KIAA1549L: variants seen among roughly 807,000 people sequenced by gnomAD.
The protein encoded by KIAA1549L is UPF0606 protein KIAA1549L.
KIAA1549L carries 88 observed loss-of-function variants against 160.7 expected under a neutral mutation model. The ratio of observed to expected loss-of-function variants is 0.55; its 90% CI spans 0.46 to 0.65. KIAA1549L has a LOEUF of 0.65. KIAA1549L is among the 30% of genes least tolerant of loss of function. The probability of loss-of-function intolerance (pLI) is 0.00; values close to 1 mark genes in which losing one functional copy is unlikely to be tolerated. For missense variants in KIAA1549L, 2,258 were observed against 2,437.5 expected (o/e 0.93, Z 1.55); for synonymous variants, 950 against 976.7 (o/e 0.97, Z 0.51).
At chr11:33,411,203 C>T (rs977596118) in intron 1 of KIAA1549L, among the ~76,000 whole-genome samples, 7 of 152,062 alleles carry the variant, frequency 4.6e-5, no homozygotes, top group South Asian at 2.1e-4. Context: ...TTTCATAAGC[C>T]GAATTTTATT....
intron 11 of KIAA1549L, among the ~76,000 whole-genome samples, chr11:33,588,732 C>T (rs1279270938): frequency 6.6e-6 from 1 of 152,204 alleles, no homozygotes; most frequent in Non-Finnish European, 1.5e-5. Flanking sequence ...AGACCACCTT[C>T]CCTCAGCAAA....
chr11:33,403,275 A>ACAT (rs1565121753), intron 1 of KIAA1549L: 2 of 147,702 alleles, frequency 1.4e-5, no homozygotes, highest in Non-Finnish European at 3.0e-5. Flanking sequence ...AGACACACAC[A>ACAT]GACACAGACA....
rs970787376 is a variant in KIAA1549L at position 33,498,353 on chromosome 11, C to T, written c.239-43449C>T. ...AATTTTCAGTGGTGGTTCCTGCTCTCATTGGAATACAGTGTGTGGTTTGCT... is the reference window on the plus strand; with the variant it reads ...AATTTTCAGTGGTGGTTCCTGCTCTTATTGGAATACAGTGTGTGGTTTGCT... On this transcript the variant is annotated intron_variant, in intron 1 of 20. Transcript: ENST00000658780. Among the ~76,000 whole-genome samples, 5 of 152,186 alleles carry T rather than the reference C, an allele frequency of 3.3e-5. 1 individual carries two copies. The South Asian group carries it at 1.0e-3, about 32-fold the overall frequency.
At position 33,542,719 on chromosome 11, in the gene KIAA1549L, A is replaced by G. The variant is rs780798272; in HGVS notation, c.1156A>G (p.Thr386Ala). Residue 386 changes from threonine to alanine, a missense_variant, in exon 2 of 21, where the codon ACC (threonine) becomes GCC (alanine). Physicochemically the swap from Thr to Ala is moderately conservative, Grantham distance 58 (BLOSUM62 0). Transcript: ENST00000658780. ...MLEVASGPAS[T>A]QQIKAGVPGR... ...GGAAGTGGCTTCAGGTCCTGCATCCACCCAGCAGATCAAAGCTGGGGTGCC... is the reference window on the plus strand; with the variant it reads ...GGAAGTGGCTTCAGGTCCTGCATCCGCCCAGCAGATCAAAGCTGGGGTGCC... The G allele has an allele frequency of 1.2e-6, 2 of 1,613,924 alleles. No individual in the cohort carries two copies. Among genetic ancestry groups the G allele is most frequent in the Non-Finnish European group, 1.7e-6 (2 of 1,179,852 alleles).
chr11:33,646,875 A>C (rs183592272), intron 17 of KIAA1549L, among the ~76,000 whole-genome samples: 32 of 152,284 alleles, frequency 2.1e-4, no homozygotes, highest in African/African-American at 7.2e-4. Context: ...CATTGCAATA[A>C]CCATTCCCAA....
rs1851799370 is a variant in KIAA1549L, at chr11:33,455,254, C to T, written c.238+78365C>T. On this transcript the variant is annotated intron_variant, in intron 1 of 20. Coordinates refer to ENST00000658780, the MANE Select transcript of KIAA1549L (RefSeq NM_012194.3). The stretch of plus-strand genomic sequence containing the variant: ...GCCAGCAATAACAAGTGCTTTAGAA[C>T]TGTGCTGTCCAGAATGGTAGCCACA... 2.0e-5 allele frequency among the ~76,000 whole-genome samples: 3 copies of T among 152,336 alleles called. No homozygotes were observed. The South Asian group carries it at 6.2e-4, about 32-fold the overall frequency.
At chr11:33,474,395 C>G (rs908955333) in intron 1 of KIAA1549L, among the ~76,000 whole-genome samples, 3 of 152,206 alleles carry the variant, frequency 2.0e-5, no homozygotes, top group East Asian at 1.9e-4. Flanking sequence ...TATAACCTTT[C>G]CCTTGCTCGT....
At chr11:33,663,396 G>T (rs771423704) in intron 20 of KIAA1549L, among the ~76,000 whole-genome samples, 3 of 152,194 alleles carry the variant, frequency 2.0e-5, no homozygotes, top group African/African-American at 4.8e-5. Flanking sequence ...ATTTTGGCAG[G>T]AAGGGCATGA....
chr11:33,483,919 C>T (rs1852467003), intron 1 of KIAA1549L, among the ~76,000 whole-genome samples: 1 of 152,158 alleles, frequency 6.6e-6, no homozygotes, highest in Admixed American at 6.5e-5. Context: ...TAAACTAATA[C>T]ATCCTCTATT....
intron 1 of KIAA1549L, among the ~76,000 whole-genome samples, chr11:33,387,962 G>A (rs11032251): frequency 0.11 from 16,767 of 152,204 alleles, 1,525 homozygotes; most frequent in African/African-American, 0.25. Flanking sequence ...CATAGTTCCA[G>A]TGTGAGGCCC....
At chr11:33,652,677 G>A (rs1851932457) in intron 17 of KIAA1549L, among the ~76,000 whole-genome samples, 1 of 152,180 alleles carries the variant, frequency 6.6e-6, no homozygotes, top group African/African-American at 2.4e-5. Context: ...AGAGAAGAGG[G>A]GCTGTAAATC....
intron 17 of KIAA1549L, among the ~76,000 whole-genome samples, chr11:33,646,463 T>G (rs921764661): frequency 6.6e-6 from 1 of 152,160 alleles, no homozygotes; most frequent in Admixed American, 6.6e-5. Flanking sequence ...CGAATTTAAA[T>G]CTCAGGTCTA....
chr11:33,483,195 A>G (rs1422835059), intron 1 of KIAA1549L, among the ~76,000 whole-genome samples: 1 of 152,124 alleles, frequency 6.6e-6, no homozygotes, highest in Non-Finnish European at 1.5e-5. Flanking sequence ...CCTAGTTAAT[A>G]GTGCCATCGT....
In KIAA1549L at chr11:33,671,008, A is replaced by C. The variant is rs577749035; in HGVS notation, c.*2854A>C. 14 of 152,340 alleles carry C rather than the reference A, an allele frequency of 9.2e-5. No individual in the cohort carries two copies. Among genetic ancestry groups the C allele is most frequent in the Admixed American group, 8.5e-4 (13 of 15,302 alleles). 9.4% of individuals were successfully genotyped at this position (152,340 alleles called of 1,614,324 possible). ...GAGGTTTAAAAAAAAGATAAGGGTC[A>C]TATGAAGAACTCCATAATGTTCTTG... On this transcript the variant is annotated 3_prime_UTR_variant, in exon 21 of 21. Coordinates refer to ENST00000658780, the MANE Select transcript of KIAA1549L (RefSeq NM_012194.3).
At position 33,409,762 on chromosome 11, in the gene KIAA1549L, ACC is replaced by A. The variant is rs890243623; in HGVS notation, c.238+32874_238+32875del. The stretch of plus-strand genomic sequence containing the variant: ...CAGCTTGCTTTTCTTATGTGTTCTC[ACC>A]TCTTTTTTTTTTTTTTTTTTCCTGC... On this transcript the variant is annotated intron_variant, in intron 1 of 20. Coordinates refer to ENST00000658780, the MANE Select transcript of KIAA1549L (RefSeq NM_012194.3). Among the ~76,000 whole-genome samples, 8 of 107,894 alleles carry A rather than the reference ACC, an allele frequency of 7.4e-5. No homozygotes were observed. The Admixed American group carries it at 7.6e-4, about 10-fold the overall frequency. 70.8% of individuals were successfully genotyped at this position (107,894 alleles called of 152,430 possible).
chr11:33,427,440 T>G (rs934915087), intron 1 of KIAA1549L, among the ~76,000 whole-genome samples: 1 of 152,166 alleles, frequency 6.6e-6, no homozygotes, highest in Admixed American at 6.5e-5. Context: ...TAGATATGCA[T>G]GCTGATTTGT....
chr11:33,475,860 C>A (rs1211616813), intron 1 of KIAA1549L, among the ~76,000 whole-genome samples: 1 of 152,030 alleles, frequency 6.6e-6, no homozygotes, highest in Non-Finnish European at 1.5e-5. Flanking sequence ...GAGACTCCAT[C>A]TCAAAAATTA....
In KIAA1549L at chr11:33,669,728, GCA is replaced by G. The variant is rs1334810020; in HGVS notation, c.*1577_*1578del. On this transcript the variant is annotated 3_prime_UTR_variant, in exon 21 of 21. Coordinates refer to ENST00000658780, the MANE Select transcript of KIAA1549L (RefSeq NM_012194.3). Reference sequence around the variant, plus strand: ...AGAAGGGGAGGTTCAAACTGTCAATGCACAGACTTTTCAAAGAAGTTGTTTAT... The same window carrying G: ...AGAAGGGGAGGTTCAAACTGTCAATGCAGACTTTTCAAAGAAGTTGTTTAT... 2 of 152,320 alleles carry G rather than the reference GCA, an allele frequency of 1.3e-5. No individual in the cohort carries two copies. Among genetic ancestry groups the G allele is most frequent in the African/African-American group, 4.8e-5 (2 of 41,578 alleles). The allele number at this position is 152,320 out of a possible 1,614,324, so 9.4% of individuals were successfully genotyped here.
At chr11:33,549,728 G>A (rs533045264) in intron 4 of KIAA1549L, among the ~76,000 whole-genome samples, 30 of 152,294 alleles carry the variant, frequency 2.0e-4, no homozygotes, top group African/African-American at 7.2e-4. Flanking sequence ...TCCTGGCCGG[G>A]CACAGTGTTT....
Sources: allele counts gnomAD v4.1 joint callset (sites outside exome capture counted in the v4.1 genomes callset), GRCh38; gene constraint gnomAD v4.1.1; transcripts MANE v1.5; gene names NCBI Gene and HGNC (gene_info 2026-07-23, HGNC 2026-07-21).